The following MAP3K15 variants were observed in gnomAD, a reference collection of about 807,000 sequenced individuals.
MAP3K15 encodes mitogen-activated protein kinase kinase kinase 15, also known as MAPK/ERK kinase kinase 15.
In MAP3K15, 124 loss-of-function variants were observed where a neutral mutation model predicts 99.5. That is an observed-to-expected ratio of 1.25 (90% CI 1.08 to 1.45). The LOEUF (loss-of-function observed/expected upper bound fraction) is 1.45. MAP3K15 is among the 40% of genes most tolerant of loss of function. The pLI, the probability that MAP3K15 is intolerant of heterozygous loss-of-function variation, is 0.00. For synonymous variants in MAP3K15, 494 were observed against 439.6 expected, an observed-to-expected ratio of 1.12 and a Z score of -1.55; for missense variants, 1,242 against 1,079.7, an observed-to-expected ratio of 1.15 and a Z score of -2.11.
rs147048958 is a variant in MAP3K15, at chrX:19,392,074, C to T, written c.2359G>A (p.Val787Met). Reference sequence around the variant, plus strand: ...GTTCCAAAATCGGAGATTTTCACCACTCCGCTGTAGGTGTTCACCAGAACA... The same window carrying T: ...GTTCCAAAATCGGAGATTTTCACCATTCCGCTGTAGGTGTTCACCAGAACA... The part of the protein sequence containing the change: ...DNVLVNTYSG[V>M]VKISDFGTSK... Residue 787 changes from valine to methionine, a missense_variant, in exon 18 of 29, where the codon GTG becomes ATG. By Grantham distance (21) the Val-to-Met change is conservative. Coordinates refer to ENST00000338883, the MANE Select transcript of MAP3K15 (RefSeq NM_001001671.4). 45 of 1,209,352 alleles carry T rather than the reference C, an allele frequency of 3.7e-5. No individual in the cohort carries two copies. The highest frequency in any genetic ancestry group is 3.4e-6 in the Non-Finnish European group (3 of 894,420).
rs748938019 is a variant in MAP3K15 at position 19,363,561 on chromosome X, G to C, written c.3567-711C>G. Reference sequence around the variant, plus strand: ...AAACCTGGCTCCCTAAGTCAGATAAGGCAGCTGAAACTAGAATAGAATGGT... The same window carrying C: ...AAACCTGGCTCCCTAAGTCAGATAACGCAGCTGAAACTAGAATAGAATGGT... On this transcript the variant is annotated intron_variant, in intron 25 of 28. Transcript: ENST00000338883. Among the ~76,000 whole-genome samples the C allele has an allele frequency of 3.4e-4, 38 of 111,953 alleles. No individual in the cohort carries two copies. In the Admixed American group the frequency reaches 3.6e-3, roughly 11 times the overall value.
At chrX:19,399,203 G>A (rs2063589793) in intron 14 of MAP3K15, among the ~76,000 whole-genome samples, 1 of 111,719 alleles carries the variant, frequency 9.0e-6, no homozygotes, top group Non-Finnish European at 1.9e-5. Flanking sequence ...CACTTTGGGA[G>A]GCCCAGGCAG....
intron 22 of MAP3K15, 122 bp from the exon 23 acceptor site, chrX:19,371,652 G>T: frequency 1.5e-6 from 1 of 646,514 alleles, no homozygotes; most frequent in Non-Finnish European, 2.3e-6. Context: ...GGTGAGAAGG[G>T]GTCTCTGTTT....
chrX:19,426,540 C>A (rs2063831526), intron 7 of MAP3K15, among the ~76,000 whole-genome samples, 197 bp from the exon 8 acceptor site: 1 of 111,070 alleles, frequency 9.0e-6, no homozygotes, highest in African/African-American at 3.3e-5. Context: ...ATAGGCCAGG[C>A]ACCGTGGCTC....
chrX:19,491,753 G>A (rs988456732), intron 1 of MAP3K15, among the ~76,000 whole-genome samples: 3 of 109,471 alleles, frequency 2.7e-5, no homozygotes, highest in Non-Finnish European at 5.7e-5. Flanking sequence ...GTACGATCTC[G>A]GCTCACTGCA....
At chrX:19,426,410 C>G (rs5955777) in intron 7 of MAP3K15, 67 bp from the exon 8 acceptor site, 24,805 of 645,208 alleles carry the variant, frequency 0.038, 567 homozygotes, top group South Asian at 0.18. Context: ...ATGGTATAAA[C>G]CAACTTTCTC....
intron 7 of MAP3K15, among the ~76,000 whole-genome samples, chrX:19,428,193 G>C (rs1001380557): frequency 1.4e-4 from 16 of 111,637 alleles, no homozygotes; most frequent in African/African-American, 5.2e-4. Context: ...GTGTGGGTTA[G>C]ATGATATCCA....
intron 9 of MAP3K15, among the ~76,000 whole-genome samples, chrX:19,421,699 C>A (rs2147294168): frequency 1.0e-5 from 1 of 95,575 alleles, no homozygotes; most frequent in African/African-American, 5.4e-5. Context: ...CATATGGAAC[C>A]AAAAAAGAGC....
At position 19,384,748 on chromosome X, in the gene MAP3K15, G is replaced by GAAA. The variant is rs1569205907; in HGVS notation, c.2432-4472_2432-4471insTTT. Among the ~76,000 whole-genome samples the GAAA allele has an allele frequency of 1.1e-3, 63 of 56,445 alleles. 2 individuals are homozygous for GAAA. The highest frequency in any genetic ancestry group is 0.011 in the Middle Eastern group (1 of 89). 49.0% of individuals were successfully genotyped at this position (56,445 alleles called of 115,157 possible). A position where few individuals can be genotyped will look rare whatever the true frequency, so the allele number is the denominator to read the frequency against. On this transcript the variant is annotated intron_variant, in intron 18 of 28. Coordinates refer to ENST00000338883, the MANE Select transcript of MAP3K15 (RefSeq NM_001001671.4). ...GATGGGAGTGAGACCTTGTCTCAGG[G>GAAA]GAAAAAAAAAAAAAAAAAAAAAAAA...
chrX:19,420,919 C>G (rs2063778783), intron 9 of MAP3K15, among the ~76,000 whole-genome samples: 1 of 111,349 alleles, frequency 9.0e-6, no homozygotes, highest in Admixed American at 9.6e-5. Context: ...TAAACAGAAC[C>G]AAAGAGAAAA....
chrX:19,425,315 C>T (rs754181345), intron 9 of MAP3K15, among the ~76,000 whole-genome samples: 1 of 111,590 alleles, frequency 9.0e-6, no homozygotes, highest in Non-Finnish European at 1.9e-5. Flanking sequence ...AATAGAAGGC[C>T]TAATCTCAGG....
chrX:19,405,259 T>C (rs753772414), intron 13 of MAP3K15, among the ~76,000 whole-genome samples: 2 of 111,987 alleles, frequency 1.8e-5, no homozygotes, highest in South Asian at 7.4e-4. Flanking sequence ...CACCAGATGA[T>C]CCACGTTAAC....
chrX:19,386,814 G>C (rs927222875), intron 18 of MAP3K15, among the ~76,000 whole-genome samples: 2 of 111,187 alleles, frequency 1.8e-5, no homozygotes, highest in Admixed American at 9.6e-5. Context: ...GAGTAGTTTA[G>C]GGGGGTGGTG....
chrX:19,464,531 C>A (rs769059558), intron 3 of MAP3K15, 125 bp from the exon 4 acceptor site: 1 of 487,035 alleles, frequency 2.1e-6, no homozygotes, highest in East Asian at 3.8e-5. Flanking sequence ...TCGTTCAATA[C>A]GACTATGGAT....
chrX:19,430,143 C>T (rs990343323), intron 7 of MAP3K15, among the ~76,000 whole-genome samples: 3 of 112,300 alleles, frequency 2.7e-5, no homozygotes, highest in African/African-American at 9.7e-5. Context: ...CATTCCTCCA[C>T]CCTTTTGAAT....
At chrX:19,509,229 A>G (rs2064501025) in intron 1 of MAP3K15, among the ~76,000 whole-genome samples, 1 of 111,646 alleles carries the variant, frequency 9.0e-6, no homozygotes, top group Non-Finnish European at 1.9e-5. Flanking sequence ...CCTAAAACAT[A>G]CTTGGGCCGA....
At chrX:19,454,715 T>C (rs966095005) in intron 6 of MAP3K15, among the ~76,000 whole-genome samples, 5 of 112,154 alleles carry the variant, frequency 4.5e-5, no homozygotes, top group African/African-American at 1.6e-4. Flanking sequence ...CCTTTACAGA[T>C]ACAAAGTAAT....
intron 18 of MAP3K15, among the ~76,000 whole-genome samples, chrX:19,384,749 GAAAAAAAAAAAAAAAA>G (rs34619145): frequency 1.6e-3 from 35 of 22,555 alleles, no homozygotes; most frequent in East Asian, 9.9e-3. Flanking sequence ...TGTCTCAGGG[GAAAAAAAAAAAAAAAA>G]AAAAAAAAAA....
intron 7 of MAP3K15, among the ~76,000 whole-genome samples, chrX:19,427,505 C>T (rs1602300652): frequency 9.0e-6 from 1 of 111,365 alleles, no homozygotes; most frequent in Middle Eastern, 4.7e-3. Flanking sequence ...AAAGTGAGGC[C>T]AGGGACAGGG....
Sources: gnomAD v4.1 joint callset for allele counts (sites outside exome capture counted in the v4.1 genomes callset) on GRCh38, gnomAD v4.1.1 for gene constraint, MANE v1.5 for transcripts, NCBI Gene and HGNC (gene_info 2026-07-23, HGNC 2026-07-21) for gene names.